MS4A12: variants seen among roughly 807,000 people sequenced by gnomAD.
The protein encoded by MS4A12 is membrane-spanning 4-domains subfamily A member 12.
A neutral mutation model predicts 23.7 loss-of-function variants in MS4A12; 28 were observed. The ratio of observed to expected loss-of-function variants is 1.18; its 90% CI spans 0.88 to 1.62. The LOEUF (loss-of-function observed/expected upper bound fraction) is 1.62, where lower values mean the gene tolerates loss of function less well. MS4A12 is among the 40% of genes most tolerant of loss of function. The pLI is 0.00. For missense variants in MS4A12, 342 were observed against 327.0 expected, an observed-to-expected ratio of 1.05 and a Z score of -0.35; for synonymous variants, 108 against 110.1, an observed-to-expected ratio of 0.98 and a Z score of 0.12.
chr11:60,494,093 T>G (rs977000124), intron 1 of MS4A12, among the ~76,000 whole-genome samples: 1 of 152,240 alleles, frequency 6.6e-6, no homozygotes, highest in African/African-American at 2.4e-5. Context: ...GTTTCCCTTC[T>G]CATGTATCAT....
chr11:60,502,546 G>A (rs1194242078), intron 4 of MS4A12, among the ~76,000 whole-genome samples: 1 of 152,194 alleles, frequency 6.6e-6, no homozygotes, highest in African/African-American at 2.4e-5. Flanking sequence ...TGTAAGAAGA[G>A]TTTATAAAAA....
Position 60,500,997 on chromosome 11 carries a change from C to CT in MS4A12, c.277-48_277-47insT, listed in dbSNP as rs777463086. ...GCAGCAATGACAGTAATGTTTCACA[C>CT]GTCTGAAAGTGAAGAAGTAATTTTA... On this transcript the variant is annotated intron_variant, in intron 2 of 6. Coordinates refer to ENST00000016913, the MANE Select transcript of MS4A12 (RefSeq NM_017716.3). 18 of 1,554,060 alleles carry CT rather than the reference C, an allele frequency of 1.2e-5. No homozygotes were observed. In the East Asian group the frequency reaches 4.2e-4, roughly 36 times the overall value.
chr11:60,501,113 T>C lies in MS4A12; in HGVS notation c.345T>C (p.Ser115=). 2 of 1,613,808 alleles carry C rather than the reference T, an allele frequency of 1.2e-6. No individual in the cohort carries two copies. The highest frequency in any genetic ancestry group is 1.7e-6 in the Non-Finnish European group (2 of 1,179,878). Residue 115 remains serine (S), a synonymous_variant, in exon 3 of 7, where the codon TCT becomes TCC. Coordinates refer to ENST00000016913, the MANE Select transcript of MS4A12 (RefSeq NM_017716.3). Reference sequence around the variant, plus strand: ...TTGTTTTGTGTTTAATATCCTTCTCTTTTAGAGAAGTATTAGGTTTTGCCT... The same window carrying C: ...TTGTTTTGTGTTTAATATCCTTCTCCTTTAGAGAAGTATTAGGTTTTGCCT... ...FGIVLCLISF[S]FREVLGFAST...
chr11:60,503,876 T>G, intron 5 of MS4A12, 59 bp downstream of exon 5: 1 of 1,450,602 alleles, frequency 6.9e-7, no homozygotes. Flanking sequence ...AAAGTGGGTC[T>G]ATGTTTTATT....
chr11:60,501,291 C>T, intron 3 of MS4A12, 109 bp downstream of exon 3: 1 of 1,241,278 alleles, frequency 8.1e-7, no homozygotes, highest in Non-Finnish European at 1.1e-6. Flanking sequence ...CTTGATAAAG[C>T]CCTACATCTG....
intron 2 of MS4A12, among the ~76,000 whole-genome samples, chr11:60,499,017 T>C (rs1310899661): frequency 6.6e-6 from 1 of 152,114 alleles, no homozygotes; most frequent in Non-Finnish European, 1.5e-5. Flanking sequence ...TTTGACTGGG[T>C]GGATGAGGAA....
intron 1 of MS4A12, among the ~76,000 whole-genome samples, chr11:60,495,891 G>A (rs986942528): frequency 1.3e-5 from 2 of 152,170 alleles, no homozygotes; most frequent in African/African-American, 4.8e-5. Flanking sequence ...TTGTTGTTGG[G>A]TAGTTGCAGG....
chr11:60,493,368 C>T (rs1457830491), intron 1 of MS4A12, among the ~76,000 whole-genome samples: 2 of 121,184 alleles, frequency 1.7e-5, no homozygotes, highest in Non-Finnish European at 3.4e-5. Context: ...AAGAGTGAAA[C>T]TCCATCTTAA....
At chr11:60,503,323 T>TA (rs1201732948) in intron 4 of MS4A12, among the ~76,000 whole-genome samples, 1 of 152,222 alleles carries the variant, frequency 6.6e-6, no homozygotes, top group Non-Finnish European at 1.5e-5. Context: ...TCAAAGGCTG[T>TA]AAGAGTTGAG....
intron 1 of MS4A12, among the ~76,000 whole-genome samples, chr11:60,494,241 G>A (rs1213631984): frequency 1.3e-5 from 2 of 152,144 alleles, no homozygotes; most frequent in African/African-American, 4.8e-5. Context: ...ACCTAGCCAT[G>A]AATAATCTGG....
chr11:60,495,249 G>A (rs931406409), intron 1 of MS4A12, among the ~76,000 whole-genome samples: 26 of 151,118 alleles, frequency 1.7e-4, no homozygotes, highest in Non-Finnish European at 3.7e-4. Context: ...GGATCTGCCC[G>A]CCTCGGCCTC....
intron 4 of MS4A12, among the ~76,000 whole-genome samples, chr11:60,503,129 A>T (rs2086543582): frequency 6.6e-6 from 1 of 152,178 alleles, no homozygotes; most frequent in African/African-American, 2.4e-5. Context: ...AACTGGGGAA[A>T]GTTTTGTAGT....
chr11:60,499,640 T>C (rs1288410299), intron 2 of MS4A12, among the ~76,000 whole-genome samples: 1 of 152,254 alleles, frequency 6.6e-6, no homozygotes, highest in Non-Finnish European at 1.5e-5. Flanking sequence ...AAGAAACTTT[T>C]AGCATTGTTT....
In MS4A12 at chr11:60,497,589, C is replaced by T. The variant is rs78337068; in HGVS notation, c.271C>T (p.Leu91=). 7 of 1,613,798 alleles carry T rather than the reference C, an allele frequency of 4.3e-6. No homozygotes were observed. The African/African-American group carries it at 9.3e-5, about 22-fold the overall frequency. ...VMNFKEEAKA[L]GVIQIMVGLM... is the part of the protein sequence containing the mutation. ...GAACTTTAAAGAAGAAGCAAAGGCACTAGGGGTAAGTCTATTTACTACCAG... is the reference window on the plus strand; with the variant it reads ...GAACTTTAAAGAAGAAGCAAAGGCATTAGGGGTAAGTCTATTTACTACCAG... Residue 91 remains leucine, a synonymous_variant, in exon 2 of 7, where the codon CTA becomes TTA. Coordinates refer to ENST00000016913, the MANE Select transcript of MS4A12 (RefSeq NM_017716.3).
In MS4A12 at chr11:60,501,186, A is replaced by C; in HGVS notation, c.414+4A>C. On this transcript the variant is annotated splice_donor_region_variant and intron_variant, in intron 3 of 6. Transcript: ENST00000016913. The stretch of plus-strand genomic sequence containing the variant: ...CCCATTCTGGGGTGGCCTTTCTGTG[A>C]GTAGATTGCTAGAACACCAGTCCTT... 2 of 1,601,638 alleles carry C rather than the reference A, an allele frequency of 1.2e-6. No individual in the cohort carries two copies. Among genetic ancestry groups the C allele is most frequent in the Non-Finnish European group, 1.7e-6 (2 of 1,176,120 alleles).
intron 4 of MS4A12, among the ~76,000 whole-genome samples, chr11:60,502,790 T>C (rs1030838022): frequency 2.6e-5 from 4 of 152,156 alleles, no homozygotes; most frequent in African/African-American, 9.7e-5. Context: ...ATAAAATAAT[T>C]AAATCAAATT....
chr11:60,503,985 G>T (rs988179610), intron 5 of MS4A12, among the ~76,000 whole-genome samples, 168 bp downstream of exon 5: 19 of 152,170 alleles, frequency 1.2e-4, no homozygotes, highest in African/African-American at 3.6e-4. Flanking sequence ...AAGTGAGAGG[G>T]TTACCTCTAC....
At chr11:60,506,696 G>A in intron 5 of MS4A12, 32 bp from the exon 6 acceptor site, 1 of 1,596,280 alleles carries the variant, frequency 6.3e-7, no homozygotes, top group Non-Finnish European at 8.6e-7. Flanking sequence ...CTCCTGATTA[G>A]CCAAAATTTC....
intron 5 of MS4A12, 22 bp downstream of exon 5, chr11:60,503,839 A>G: frequency 1.3e-6 from 2 of 1,589,960 alleles, no homozygotes; most frequent in Non-Finnish European, 1.7e-6. Flanking sequence ...ATACTCCACC[A>G]TGTGCCTGCT....
Sources: allele counts gnomAD v4.1 joint callset (sites outside exome capture counted in the v4.1 genomes callset), GRCh38; gene constraint gnomAD v4.1.1; transcripts MANE v1.5; gene names NCBI Gene and HGNC (gene_info 2026-07-23, HGNC 2026-07-21).